The following PLXNA2 variants were observed in gnomAD, a reference collection of about 807,000 sequenced individuals.
The protein encoded by PLXNA2 is plexin A2.
Under a neutral mutation model 193.5 loss-of-function variants are expected in PLXNA2, and 91 were observed. The observed-to-expected ratio is 0.47, with a 90% confidence interval of 0.40 to 0.56. The LOEUF (loss-of-function observed/expected upper bound fraction) is 0.56. PLXNA2 is among the 20% of genes least tolerant of loss of function. The pLI is 0.00. For synonymous variants in PLXNA2, 997 were observed against 1,027.3 expected, an observed-to-expected ratio of 0.97 and a Z score of 0.56; for missense variants, 1,995 against 2,503.2, an observed-to-expected ratio of 0.80 and a Z score of 4.33.
intron 3 of PLXNA2, among the ~76,000 whole-genome samples, chr1:208,160,886 A>G (rs573792511): frequency 2.8e-4 from 42 of 152,340 alleles, no homozygotes; most frequent in Non-Finnish European, 4.9e-4. Context: ...TAAAAAGATC[A>G]AGTTCATTTC....
At chr1:208,181,251 C>T (rs1472636376) in intron 3 of PLXNA2, among the ~76,000 whole-genome samples, 2 of 152,172 alleles carry the variant, frequency 1.3e-5, no homozygotes, top group Non-Finnish European at 2.9e-5. Context: ...TGAGCAAGCC[C>T]CTTTCCAGGC....
chr1:208,129,812 C>T (rs1255519056), intron 4 of PLXNA2, among the ~76,000 whole-genome samples: 1 of 152,190 alleles, frequency 6.6e-6, no homozygotes, highest in Non-Finnish European at 1.5e-5. Flanking sequence ...CAAGGATAAG[C>T]TCTTTGCTGT....
At chr1:208,142,513 G>A in intron 3 of PLXNA2, 50 bp from the exon 4 acceptor site, 1 of 1,520,554 alleles carries the variant, frequency 6.6e-7, no homozygotes, top group Non-Finnish European at 8.8e-7. Flanking sequence ...GTATTCCCCT[G>A]TGGGCTACCT....
intron 3 of PLXNA2, among the ~76,000 whole-genome samples, chr1:208,155,735 C>CAGCTCTGGCTCATGGGATGCTG (rs998225989): frequency 6.6e-6 from 1 of 152,118 alleles, no homozygotes; most frequent in African/African-American, 2.4e-5. Context: ...CCTCCCTGCC[C>CAGCTCTGGCTCATGGGATGCTG]AGCTCTGGCT....
intron 1 of PLXNA2, 109 bp from the exon 2 acceptor site, chr1:208,218,111 C>T: frequency 1.1e-6 from 1 of 884,234 alleles, no homozygotes; most frequent in Non-Finnish European, 1.7e-6. Context: ...GAGTCTCCTC[C>T]TTCTGCATTT....
At chr1:208,056,116 C>T (rs189019293) in intron 13 of PLXNA2, among the ~76,000 whole-genome samples, 10 of 152,196 alleles carry the variant, frequency 6.6e-5, no homozygotes, top group African/African-American at 1.2e-4. Context: ...CTGCTACCTG[C>T]GTGTGGTTAA....
At chr1:208,166,908 G>T (rs781723770) in intron 3 of PLXNA2, among the ~76,000 whole-genome samples, 1 of 152,184 alleles carries the variant, frequency 6.6e-6, no homozygotes, top group Non-Finnish European at 1.5e-5. Flanking sequence ...TCCAAACCAT[G>T]AAGCTCTCAG....
At chr1:208,194,159 C>T (rs1670276842) in intron 3 of PLXNA2, among the ~76,000 whole-genome samples, 1 of 151,836 alleles carries the variant, frequency 6.6e-6, no homozygotes, top group Admixed American at 6.6e-5. Flanking sequence ...CACAGTTCCC[C>T]TGGTATGTTG....
At chr1:208,200,703 T>C (rs1670522214) in intron 3 of PLXNA2, among the ~76,000 whole-genome samples, 1 of 150,020 alleles carries the variant, frequency 6.7e-6, no homozygotes, top group Admixed American at 6.7e-5. Flanking sequence ...GCGATTCTCC[T>C]GCCTCCTGCC....
At chr1:208,077,502 C>T (rs180730990) in intron 12 of PLXNA2, among the ~76,000 whole-genome samples, 25 of 152,270 alleles carry the variant, frequency 1.6e-4, no homozygotes, top group East Asian at 7.7e-4. Context: ...CTGGCAGAGG[C>T]GGGTGGTGCT....
intron 4 of PLXNA2, among the ~76,000 whole-genome samples, chr1:208,113,935 G>A (rs779537157): frequency 3.3e-4 from 50 of 152,120 alleles, no homozygotes; most frequent in Non-Finnish European, 4.0e-4. Flanking sequence ...AATCATCAGG[G>A]GAAGGAGCCC....
rs147980327 is a variant in PLXNA2, at chr1:208,193,011, C to G, written c.1371+17269G>C. Among the ~76,000 whole-genome samples the G allele has an allele frequency of 4.6e-5, 7 of 151,978 alleles. No homozygotes were observed. In the East Asian group the frequency reaches 1.4e-3, roughly 29 times the overall value. ...CCCGCTACACAAAAAACTAAATCTA[C>G]AAATGTTTGTAAAACATTTTTCTGG... On this transcript the variant is annotated intron_variant, in intron 3 of 31. Coordinates refer to ENST00000367033, the MANE Select transcript of PLXNA2 (RefSeq NM_025179.4).
intron 12 of PLXNA2, among the ~76,000 whole-genome samples, chr1:208,063,050 TC>T (rs1415417478): frequency 6.6e-5 from 10 of 152,114 alleles, no homozygotes; most frequent in Non-Finnish European, 1.2e-4. Flanking sequence ...CACCAGCCCC[TC>T]CATCCCCTTC....
intron 3 of PLXNA2, among the ~76,000 whole-genome samples, chr1:208,204,843 T>A (rs546539596): frequency 6.6e-6 from 1 of 152,222 alleles, no homozygotes; most frequent in African/African-American, 2.4e-5. Context: ...TGCATAGTGG[T>A]TGAAGGGACA....
intron 1 of PLXNA2, among the ~76,000 whole-genome samples, chr1:208,233,965 T>A (rs1671773161): frequency 1.3e-5 from 2 of 151,964 alleles, no homozygotes; most frequent in Admixed American, 1.3e-4. Flanking sequence ...GGCCGGCAGA[T>A]GGGAAGAGAA....
chr1:208,032,080 G>C, intron 28 of PLXNA2: 1 of 985,330 alleles, frequency 1.0e-6, no homozygotes, highest in Non-Finnish European at 1.2e-6. Flanking sequence ...GTGAATGAGG[G>C]GGCACAGGCT....
chr1:208,196,850 C>G (rs928949772), intron 3 of PLXNA2, among the ~76,000 whole-genome samples: 6 of 151,922 alleles, frequency 3.9e-5, no homozygotes, highest in African/African-American at 1.5e-4. Flanking sequence ...GTGGCAAGGG[C>G]GGGGGTAGAT....
At chr1:208,110,943 C>T (rs1667452661) in intron 4 of PLXNA2, among the ~76,000 whole-genome samples, 1 of 152,178 alleles carries the variant, frequency 6.6e-6, no homozygotes, top group African/African-American at 2.4e-5. Context: ...CATTTTACTC[C>T]CCTCTGTTTT....
chr1:208,208,380 T>C (rs1670808992), intron 3 of PLXNA2, among the ~76,000 whole-genome samples: 1 of 152,248 alleles, frequency 6.6e-6, no homozygotes. Flanking sequence ...GTCCTAGATC[T>C]CTATGCTTGG....
Sources: gnomAD v4.1 joint callset for allele counts (sites outside exome capture counted in the v4.1 genomes callset) on GRCh38, gnomAD v4.1.1 for gene constraint, MANE v1.5 for transcripts, NCBI Gene and HGNC (gene_info 2026-07-23, HGNC 2026-07-21) for gene names.